CLASP1: variants seen among roughly 807,000 people sequenced by gnomAD.
The protein encoded by CLASP1 is CLIP-associating protein 1.
In CLASP1, 38 loss-of-function variants were observed where a neutral mutation model predicts 192.3. The observed-to-expected ratio is 0.20, with a 90% CI of 0.15 to 0.26. The LOEUF (loss-of-function observed/expected upper bound fraction) is 0.26, where lower values mean the gene tolerates loss of function less well. Among genes scored for constraint, CLASP1 ranks in the 10% least tolerant of loss-of-function variants. CLASP1 has a pLI of 1.00. For missense variants in CLASP1, 1,433 were observed against 1,932.5 expected (o/e 0.74, Z 4.85); for synonymous variants, 691 against 712.8 (o/e 0.97, Z 0.49).
At chr2:121,558,863 C>T (rs2058816391) in intron 2 of CLASP1, among the ~76,000 whole-genome samples, 1 of 152,164 alleles carries the variant, frequency 6.6e-6, no homozygotes, top group Admixed American at 6.5e-5. Flanking sequence ...CAGAGCGAGC[C>T]AGATTCTCTC....
chr2:121,482,322 G>A (rs1210585959), intron 8 of CLASP1, among the ~76,000 whole-genome samples: 1 of 152,022 alleles, frequency 6.6e-6, no homozygotes, highest in African/African-American at 2.4e-5. Context: ...GGGACACTAG[G>A]GAACAGAGAA....
intron 2 of CLASP1, among the ~76,000 whole-genome samples, chr2:121,571,709 G>C (rs764793851): frequency 6.6e-6 from 1 of 152,174 alleles, no homozygotes; most frequent in Admixed American, 6.6e-5. Flanking sequence ...AGGCCAACAA[G>C]AGGCAATCCA....
intron 6 of CLASP1, among the ~76,000 whole-genome samples, chr2:121,522,649 G>GTAT (rs200752539): frequency 1.3e-5 from 2 of 151,918 alleles, no homozygotes; most frequent in Non-Finnish European, 2.9e-5. Flanking sequence ...TTTTTCGGTT[G>GTAT]TATTATTATT....
At chr2:121,352,722 T>C (rs2064721911) in intron 37 of CLASP1, among the ~76,000 whole-genome samples, 1 of 152,214 alleles carries the variant, frequency 6.6e-6, no homozygotes, top group Admixed American at 6.5e-5. Flanking sequence ...TAGAGTCATC[T>C]GGGCTCACTG....
chr2:121,616,799 AG>A (rs2066544246), intron 1 of CLASP1, among the ~76,000 whole-genome samples: 2 of 152,100 alleles, frequency 1.3e-5, no homozygotes, highest in Admixed American at 1.3e-4. Context: ...ACTCATTTTG[AG>A]GCCCACACAT....
chr2:121,399,316 A>G (rs2075797785), intron 28 of CLASP1, among the ~76,000 whole-genome samples: 1 of 152,190 alleles, frequency 6.6e-6, no homozygotes, highest in Non-Finnish European at 1.5e-5. Context: ...ATCCAATAAT[A>G]CCCTGGAATC....
intron 8 of CLASP1, among the ~76,000 whole-genome samples, chr2:121,485,601 C>T (rs545973409): frequency 2.6e-5 from 4 of 152,184 alleles, no homozygotes; most frequent in East Asian, 1.9e-4. Flanking sequence ...CGGTGGCTCA[C>T]GCCTGTAATC....
At chr2:121,614,566 G>A (rs2066153096) in intron 1 of CLASP1, among the ~76,000 whole-genome samples, 1 of 152,136 alleles carries the variant, frequency 6.6e-6, no homozygotes, top group South Asian at 2.1e-4. Flanking sequence ...AATAGGAGGA[G>A]CTACAAAATA....
intron 6 of CLASP1, among the ~76,000 whole-genome samples, chr2:121,523,247 C>T (rs574936717): frequency 7.9e-4 from 120 of 152,324 alleles, no homozygotes; most frequent in South Asian, 6.6e-3. Flanking sequence ...CTGTTAAAGA[C>T]TCGACATTAT....
At chr2:121,408,946 G>T (rs2077299423) in intron 24 of CLASP1, 5 of 1,290,724 alleles carry the variant, frequency 3.9e-6, no homozygotes, top group Admixed American at 2.4e-5. Flanking sequence ...ACATTTTTTG[G>T]TTTTCACTAG....
At chr2:121,426,575 G>A (rs1173934327) in intron 21 of CLASP1, among the ~76,000 whole-genome samples, 1 of 151,946 alleles carries the variant, frequency 6.6e-6, no homozygotes, top group East Asian at 1.9e-4. Flanking sequence ...CCAACAGATA[G>A]AACACATATT....
chr2:121,365,516 T>C (rs1479835435), intron 35 of CLASP1, among the ~76,000 whole-genome samples: 1 of 152,180 alleles, frequency 6.6e-6, no homozygotes, highest in African/African-American at 2.4e-5. Context: ...AGACCAGCTG[T>C]CCAGTACCAA....
At chr2:121,464,688 G>A (rs1313636482) in intron 9 of CLASP1, among the ~76,000 whole-genome samples, 1 of 152,032 alleles carries the variant, frequency 6.6e-6, no homozygotes, top group Non-Finnish European at 1.5e-5. Flanking sequence ...ACTTTTTGAT[G>A]GGGTTGTTTG....
intron 37 of CLASP1, among the ~76,000 whole-genome samples, chr2:121,358,477 G>T (rs569451499): frequency 6.6e-6 from 1 of 152,140 alleles, no homozygotes; most frequent in East Asian, 1.9e-4. Flanking sequence ...ATTCCTGAGC[G>T]CAGGGGGTCT....
chr2:121,536,101 G>C (rs2095060769), intron 2 of CLASP1, among the ~76,000 whole-genome samples: 1 of 151,844 alleles, frequency 6.6e-6, no homozygotes, highest in Non-Finnish European at 1.5e-5. Context: ...AAAGATTAGG[G>C]CTGGGCACAG....
At chr2:121,552,330 A>C (rs1289425386) in intron 2 of CLASP1, among the ~76,000 whole-genome samples, 1 of 152,182 alleles carries the variant, frequency 6.6e-6, no homozygotes, top group African/African-American at 2.4e-5. Context: ...CAAAAGCAAA[A>C]ATTTACAAAT....
rs1046075678 is a variant in CLASP1 at position 121,531,061 on chromosome 2, AAACTAGTACTTTGTGGT to A, written c.196-753_196-737del. On this transcript the variant is annotated intron_variant, in intron 2 of 39. Transcript: ENST00000263710. ...GTTCAAACAGCAGTAATTCGTAAAT[AAACTAGTACTTTGTGGT>A]TAAACCAGTAGAGGGTGCACAAGAC... 105 of 694,280 alleles carry A rather than the reference AAACTAGTACTTTGTGGT, an allele frequency of 1.5e-4. No individual in the cohort carries two copies. The Admixed American group carries it at 1.9e-3, about 12-fold the overall frequency. The allele number at this position is 694,280 out of a possible 1,614,324, so 43.0% of individuals were successfully genotyped here.
chr2:121,372,506 C>T (rs1034248980), intron 34 of CLASP1, among the ~76,000 whole-genome samples: 1 of 152,200 alleles, frequency 6.6e-6, no homozygotes, highest in Non-Finnish European at 1.5e-5. Context: ...GATATATTTG[C>T]TTGGATATTC....
intron 8 of CLASP1, among the ~76,000 whole-genome samples, chr2:121,479,589 G>A (rs1196666171): frequency 6.6e-6 from 1 of 152,100 alleles, no homozygotes; most frequent in Non-Finnish European, 1.5e-5. Context: ...ACCGAAGTTG[G>A]ATAAATAGAA....
Sources: gnomAD v4.1 joint callset for allele counts (sites outside exome capture counted in the v4.1 genomes callset) on GRCh38, gnomAD v4.1.1 for gene constraint, MANE v1.5 for transcripts, NCBI Gene and HGNC (gene_info 2026-07-23, HGNC 2026-07-21) for gene names.